MYO18A: variants seen among roughly 807,000 people sequenced by gnomAD.
MYO18A encodes unconventional myosin-XVIIIa.
Under a neutral mutation model 235.8 loss-of-function variants are expected in MYO18A, and 78 were observed. The observed-to-expected ratio is 0.33, with a 90% CI of 0.28 to 0.40. The LOEUF is 0.40. Among genes scored for constraint, MYO18A ranks in the 10% least tolerant of loss-of-function variants. The pLI is 1.00. For synonymous variants in MYO18A, 977 were observed against 1,077.8 expected, an observed-to-expected ratio of 0.91 and a Z score of 1.83; for missense variants, 2,215 against 2,699.3, an observed-to-expected ratio of 0.82 and a Z score of 3.98.
At position 29,120,893 on chromosome 17, in the gene MYO18A, G is replaced by A; in HGVS notation, c.1585+105C>T. ...CCCGTGGACAGAGGGGTTTCGGGGG[G>A]ATGGAAAGGCCAGGGAGAAAAAGAG... On this transcript the variant is annotated intron_variant, in intron 6 of 41. Coordinates refer to ENST00000527372, the MANE Select transcript of MYO18A (RefSeq NM_078471.4). This position sits in a 1 kb window ranked among gnomAD's most constrained non-coding sequence, Gnocchi z 4.2. 20 of 1,556,644 alleles carry A rather than the reference G, an allele frequency of 1.3e-5. No individual in the cohort carries two copies. The highest frequency in any genetic ancestry group is 1.7e-5 in the Non-Finnish European group (20 of 1,144,180).
Position 29,119,546 on chromosome 17 carries a change from C to G in MYO18A, c.1729-111G>C, listed in dbSNP as rs2067148734. 7.9e-6 allele frequency: 5 copies of G among 630,882 alleles called. No homozygotes were observed. In the East Asian group the frequency reaches 1.3e-4, roughly 16 times the overall value. 39.1% of individuals were successfully genotyped at this position (630,882 alleles called of 1,614,324 possible). A position where few individuals can be genotyped will look rare whatever the true frequency, so the allele number is the denominator to read the frequency against. On this transcript the variant is annotated intron_variant, in intron 7 of 41. Transcript: ENST00000527372. ...GGTCCTCTAGGCCCTGGGGAACAAG[C>G]AGCTGCATTTTTTTTTTTTTTTTTT... is the stretch of plus-strand genomic sequence containing the variant.
chr17:29,173,609 G>A (rs1242099394), intron 1 of MYO18A, among the ~76,000 whole-genome samples: 1 of 150,660 alleles, frequency 6.6e-6, no homozygotes, highest in East Asian at 2.0e-4. Flanking sequence ...GGATGGTCTC[G>A]ATCTCCTGAC....
intron 1 of MYO18A, among the ~76,000 whole-genome samples, chr17:29,173,383 C>T (rs2068449880): frequency 6.7e-6 from 1 of 149,124 alleles, no homozygotes; most frequent in South Asian, 2.1e-4. Context: ...TGAGCCACTG[C>T]GCCCGGCCCT....
rs142430455 is a variant in MYO18A, at chr17:29,154,121, T to TGTGTGTGTGTGTGCGCACGCGCGC, written c.999+11820_999+11821insGCGCGCGTGCGCACACACACACAC. On this transcript the variant is annotated intron_variant, in intron 2 of 41. Coordinates refer to ENST00000527372, the MANE Select transcript of MYO18A (RefSeq NM_078471.4). Reference sequence around the variant, plus strand: ...TGCAGAGTGTGTGTGTGTGTGTGTGTGCGCGCGCGTGCGTGTGTATGTGGC... The same window carrying TGTGTGTGTGTGTGCGCACGCGCGC: ...TGCAGAGTGTGTGTGTGTGTGTGTGTGTGTGTGTGTGTGCGCACGCGCGCGCGCGCGCGTGCGTGTGTATGTGGC... Among the ~76,000 whole-genome samples, 348 of 149,078 alleles carry TGTGTGTGTGTGTGCGCACGCGCGC rather than the reference T, an allele frequency of 2.3e-3. 1 individual carries two copies. The highest frequency in any genetic ancestry group is 8.5e-3 in the African/African-American group (335 of 39,496).
intron 33 of MYO18A, 26 bp from the exon 34 acceptor site, chr17:29,092,482 G>C: frequency 6.3e-7 from 1 of 1,578,218 alleles, no homozygotes; most frequent in Non-Finnish European, 8.7e-7. Flanking sequence ...CCCCGCCCCA[G>C]GGAGAGATGT....
intron 2 of MYO18A, among the ~76,000 whole-genome samples, chr17:29,148,337 A>G (rs8079438): frequency 2.0e-5 from 3 of 151,920 alleles, no homozygotes; most frequent in African/African-American, 7.3e-5. Context: ...TAATAGAACT[A>G]TATTTAGGGA....
intron 41 of MYO18A, chr17:29,079,748 G>T: frequency 1.0e-6 from 1 of 986,012 alleles, no homozygotes; most frequent in Non-Finnish European, 1.2e-6. Flanking sequence ...CTCTCGGGCC[G>T]GTACAGGTAC....
chr17:29,179,990 G>C (rs1381748299), intron 1 of MYO18A, among the ~76,000 whole-genome samples: 2 of 150,546 alleles, frequency 1.3e-5, no homozygotes, highest in Admixed American at 1.3e-4. Context: ...CGGGCCACCT[G>C]GGCGCCTCCA....
Position 29,121,542 on chromosome 17 carries a change from T to A in MYO18A, c.1371+5A>T. 1.3e-6 allele frequency: 2 copies of A among 1,598,078 alleles called. No individual in the cohort carries two copies. The highest frequency in any genetic ancestry group is 1.7e-6 in the Non-Finnish European group (2 of 1,172,882). On this transcript the variant is annotated splice_donor_5th_base_variant and intron_variant, in intron 5 of 41. Transcript: ENST00000527372. This position sits in a 1 kb window ranked among gnomAD's most constrained non-coding sequence, Gnocchi z 4.2. ...GTCTGCAGGGTAGCCTTGAGGGTGC[T>A]GCACCTTCTCAGAGTACACAGCAGG...
At chr17:29,172,463 TA>T (rs57026865) in intron 1 of MYO18A, among the ~76,000 whole-genome samples, 160 of 139,564 alleles carry the variant, frequency 1.1e-3, no homozygotes, top group East Asian at 0.01. Context: ...AGACTCTGTC[TA>T]AAAAAAAAAA....
At position 29,097,662 on chromosome 17, in the gene MYO18A, ATC is replaced by A; in HGVS notation, c.4102+124_4102+125del. On this transcript the variant is annotated intron_variant, in intron 26 of 41. Transcript: ENST00000527372. ...CATTTATTGGCACCTCTGCCTTCTC[ATC>A]TGTTTCTTTCAGTTTAGCCCCATGG... The A allele has an allele frequency of 4.9e-6, 4 of 822,962 alleles. No homozygotes were observed. In the East Asian group the frequency reaches 1.0e-4, roughly 21 times the overall value. The allele number at this position is 822,962 out of a possible 1,614,324, so 51.0% of individuals were successfully genotyped here.
intron 1 of MYO18A, among the ~76,000 whole-genome samples, chr17:29,167,902 C>G (rs2068318243): frequency 6.6e-6 from 1 of 152,220 alleles, no homozygotes; most frequent in Admixed American, 6.5e-5. Flanking sequence ...ATGACTACCA[C>G]TGGCTAGGCC....
intron 2 of MYO18A, among the ~76,000 whole-genome samples, chr17:29,155,672 G>A (rs571212717): frequency 2.0e-5 from 3 of 152,350 alleles, no homozygotes; most frequent in African/African-American, 4.8e-5. Context: ...ACCTCCAACC[G>A]AGGCTGGGTG....
rs1165123939 is a variant in MYO18A, at chr17:29,118,078, T to C, written c.2005A>G (p.Ile669Val). 1.3e-6 allele frequency: 2 copies of C among 1,590,766 alleles called. No homozygotes were observed. The highest frequency in any genetic ancestry group is 3.5e-5 in the Admixed American group (2 of 56,864). ...GCTCCCGCAGCCCCCAGGTGGTAGA[T>C]GGCAGCCAGAATGAACCAGCAGGCC... Reference protein sequence around the residue: ...QKACWFILAAIYHLGAAGATK... With the variant: ...QKACWFILAAVYHLGAAGATK... Residue 669 changes from isoleucine to valine, a missense_variant, in exon 10 of 42, where the codon ATC becomes GTC. Ile to Val is a conservative substitution (Grantham distance 29, BLOSUM62 3). Transcript: ENST00000527372. This position sits in a 1 kb window ranked among gnomAD's most constrained non-coding sequence, Gnocchi z 4.2.
chr17:29,116,114 T>C (rs1317630382), intron 11 of MYO18A, among the ~76,000 whole-genome samples: 1 of 152,214 alleles, frequency 6.6e-6, no homozygotes, highest in South Asian at 2.1e-4. Flanking sequence ...CCTTTTCAGA[T>C]GGCTCAGCTC....
intron 2 of MYO18A, among the ~76,000 whole-genome samples, chr17:29,133,227 C>T (rs910123644): frequency 6.6e-6 from 1 of 152,266 alleles, no homozygotes; most frequent in Non-Finnish European, 1.5e-5. Flanking sequence ...GATTTAGCAT[C>T]AGGCTGACTC....
rs558353113 is a variant in MYO18A, at chr17:29,114,174, G to A, written c.2512-77C>T. ...CAGCCTTGTGAGTAGGCTGGGAAGG[G>A]GCTCTGAGATCAGCAAGGCCAACCT... On this transcript the variant is annotated intron_variant, in intron 14 of 41. Coordinates refer to ENST00000527372, the MANE Select transcript of MYO18A (RefSeq NM_078471.4). 1.4e-5 allele frequency: 16 copies of A among 1,160,436 alleles called. 1 individual carries two copies. In the South Asian group the frequency reaches 2.1e-4, roughly 15 times the overall value. The allele number at this position is 1,160,436 out of a possible 1,614,324, so 71.9% of individuals were successfully genotyped here.
Position 29,166,367 on chromosome 17 carries a change from G to A in MYO18A, c.574C>T (p.Arg192Ter). The change falls in exon 2 of 42, where the codon CGA becomes TGA. Residue 192 changes from arginine (R) to a stop codon, truncating the protein, a stop_gained. Transcript: ENST00000527372. LOFTEE classifies it high-confidence loss of function. Reference sequence around the variant, plus strand: ...TTTTTAGTCACTAGCTCAGGGGCTCGGGATCGGTGCCCTGGTCGAGGGATG... The same window carrying A: ...TTTTTAGTCACTAGCTCAGGGGCTCAGGATCGGTGCCCTGGTCGAGGGATG... Reference protein sequence around the residue: ...PGIPRPGHRSRAPELVTKKFP... With the variant: ...PGIPRPGHRS 1 of 1,613,298 alleles carries A rather than the reference G, an allele frequency of 6.2e-7. No individual in the cohort carries two copies. The highest frequency in any genetic ancestry group is 1.7e-5 in the Admixed American group (1 of 60,022).
In MYO18A at chr17:29,071,923, C is replaced by T. The variant is rs1488343548; in HGVS notation, c.*2847G>A. ...CAGCACCCAGAATGGGGCCTAGGCA[C>T]AGCAGGCAGTCATGAAATATTTCTC... On this transcript the variant is annotated 3_prime_UTR_variant, in exon 42 of 42. Coordinates refer to ENST00000527372, the MANE Select transcript of MYO18A (RefSeq NM_078471.4). 6.6e-6 allele frequency: 1 copy of T among 152,226 alleles called. No homozygotes were observed. Among genetic ancestry groups the T allele is most frequent in the Non-Finnish European group, 1.5e-5 (1 of 68,050 alleles). 9.4% of individuals were successfully genotyped at this position (152,226 alleles called of 1,614,324 possible). A position where few individuals can be genotyped will look rare whatever the true frequency, so the allele number is the denominator to read the frequency against.
Sources: gnomAD v4.1 joint callset for allele counts (sites outside exome capture counted in the v4.1 genomes callset) on GRCh38, gnomAD v4.1.1 for gene constraint, Gnocchi (gnomAD v3.1) non-coding constraint, MANE v1.5 for transcripts, NCBI Gene and HGNC (gene_info 2026-07-23, HGNC 2026-07-21) for gene names.